Variants in FAM153A observed in about 807,000 individuals in gnomAD.
FAM153A encodes the protein family with sequence similarity 153 member A.
FAM153A carries 12 observed loss-of-function variants against 48.1 expected under a neutral mutation model. The observed-to-expected ratio is 0.25, with a 90% CI of 0.16 to 0.40. FAM153A has a LOEUF of 0.40. Ranked by LOEUF, FAM153A falls within the 10% of genes least tolerant of loss-of-function variation. The probability of loss-of-function intolerance (pLI) is 1.00; values close to 1 mark genes in which losing one functional copy is unlikely to be tolerated. For synonymous variants in FAM153A, 36 were observed against 118.2 expected (o/e 0.30, Z 4.51); for missense variants, 111 against 345.8 (o/e 0.32, Z 5.38).
At chr5:177,718,993 A>T (rs1332284302), downstream of FAM153A, among the ~76,000 whole-genome samples, 5 of 151,196 alleles carry the variant, frequency 3.3e-5, no homozygotes, top group Admixed American at 3.3e-4. Context: ...CCATCCTCCC[A>T]CCTCAGCCTC....
At chr5:177,756,229 T>G (rs1210233323), upstream of FAM153A, among the ~76,000 whole-genome samples, 2 of 148,844 alleles carry the variant, frequency 1.3e-5, no homozygotes, top group Admixed American at 1.3e-4. Flanking sequence ...AAGATCAAAA[T>G]AGACAAAGAA....
intron 12 of FAM153A, 105 bp from the exon 15 acceptor site, chr5:177,735,038 G>C (rs1764487555): frequency 2.9e-6 from 2 of 690,488 alleles, no homozygotes; most frequent in Non-Finnish European, 4.7e-6. Context: ...AGGCACAGGA[G>C]AGATGCAGGA....
the FAM153A span, among the ~76,000 whole-genome samples, chr5:177,702,761 T>G: frequency 6.6e-6 from 1 of 152,068 alleles, no homozygotes; most frequent in African/African-American, 2.4e-5. Context: ...CTTAGGCCAC[T>G]GCTTCAGAGG....
chr5:177,701,745 G>C, the FAM153A span, among the ~76,000 whole-genome samples: 1 of 151,788 alleles, frequency 6.6e-6, no homozygotes, highest in Non-Finnish European at 1.5e-5. Flanking sequence ...TTGCAAGAAT[G>C]TGGAGGGCTC....
At chr5:177,754,464 T>C (rs532374173), upstream of FAM153A, among the ~76,000 whole-genome samples, 393 of 151,986 alleles carry the variant, frequency 2.6e-3, 11 homozygotes, top group African/African-American at 9.1e-3. Flanking sequence ...TAAATGTCCC[T>C]GTCTGACAGC....
At chr5:177,757,192 A>G (rs1767816520), upstream of FAM153A, among the ~76,000 whole-genome samples, 1 of 96,892 alleles carries the variant, frequency 1.0e-5, no homozygotes, top group African/African-American at 4.0e-5. Context: ...CCATCAGAGA[A>G]TACTATAAAC....
At chr5:177,759,756 T>C (rs1021922869) in intron 1 of FAM153A, among the ~76,000 whole-genome samples, 6 of 151,006 alleles carry the variant, frequency 4.0e-5, no homozygotes, top group Admixed American at 2.6e-4. Flanking sequence ...TAGGTGGTAA[T>C]TGAACAATGA....
At position 177,746,525 on chromosome 5, in the gene FAM153A, T is replaced by G. The variant is rs548357369; in HGVS notation, c.259+1244A>C. Among the ~76,000 whole-genome samples the G allele has an allele frequency of 4.6e-3, 701 of 151,486 alleles. 1 individual carries two copies. The highest frequency in any genetic ancestry group is 0.016 in the African/African-American group (665 of 40,836). Reference sequence around the variant, plus strand: ...AGGTGATATAATTCTAGCCAAAATATTCTACATATTCACTAACCTTTTGTT... The same window carrying G: ...AGGTGATATAATTCTAGCCAAAATAGTCTACATATTCACTAACCTTTTGTT... On this transcript the variant is annotated intron_variant, in intron 4 of 20. Coordinates refer to ENST00000614127, the Ensembl canonical transcript of FAM153A.
chr5:177,736,971 C>G (rs1764766068), intron 11 of FAM153A, 71 bp downstream of exon 13: 1 of 1,257,544 alleles, frequency 8.0e-7, no homozygotes, highest in Admixed American at 2.7e-5. Context: ...ATGTATACAT[C>G]TTAATTCAAT....
intron 1 of FAM153A, among the ~76,000 whole-genome samples, chr5:177,759,013 A>G (rs1026829642): frequency 1.3e-5 from 2 of 151,878 alleles, no homozygotes; most frequent in Non-Finnish European, 2.9e-5. Flanking sequence ...CACAGAAAAG[A>G]AACTACCATC....
chr5:177,760,226 G>T (rs1768184719), intron 1 of FAM153A, among the ~76,000 whole-genome samples: 1 of 105,380 alleles, frequency 9.5e-6, no homozygotes, highest in Non-Finnish European at 1.8e-5. Flanking sequence ...ATGCCAAATT[G>T]GGAAAGACCT....
chr5:177,702,190 G>C, the FAM153A span, among the ~76,000 whole-genome samples: 1 of 151,848 alleles, frequency 6.6e-6, no homozygotes, highest in Non-Finnish European at 1.5e-5. Flanking sequence ...TTACAAGCGT[G>C]AGCCACCGCG....
At chr5:177,694,903 C>A in the FAM153A span, among the ~76,000 whole-genome samples, 1 of 151,704 alleles carries the variant, frequency 6.6e-6, no homozygotes, top group Non-Finnish European at 1.5e-5. Flanking sequence ...GGATTATTTT[C>A]TTCTAAACAT....
At chr5:177,709,716 G>A (rs1758237096), downstream of FAM153A, among the ~76,000 whole-genome samples, 1 of 127,406 alleles carries the variant, frequency 7.8e-6, no homozygotes, top group South Asian at 2.9e-4. Flanking sequence ...TGTTGCTCGG[G>A]CCAGAGTGCG....
At position 177,758,400 on chromosome 5, in the gene FAM153A, C is replaced by T. The variant is rs1177186067; in HGVS notation, c.-56-9701G>A. 1.4e-3 allele frequency among the ~76,000 whole-genome samples: 199 copies of T among 145,596 alleles called. No homozygotes were observed. In the East Asian group the frequency reaches 0.025, roughly 18 times the overall value. The stretch of plus-strand genomic sequence containing the variant: ...AATATTGTGAAAATGGCCATACTGC[C>T]CAAGGTAATTTATAGATTCAATGCC... On this transcript the variant is annotated intron_variant, in intron 1 of 8. Transcript: ENST00000393518.
chr5:177,752,955 A>T (rs1767209295), intron 1 of FAM153A, among the ~76,000 whole-genome samples: 1 of 145,856 alleles, frequency 6.9e-6, no homozygotes, highest in Non-Finnish European at 1.5e-5. Flanking sequence ...AAAAATTGGC[A>T]TTGGAAACAG....
chr5:177,747,323 G>T (rs1766172088), intron 4 of FAM153A: 1 of 142,936 alleles, frequency 7.0e-6, no homozygotes. Context: ...TGAGGACTTG[G>T]GATATTAAAC....
downstream of FAM153A, among the ~76,000 whole-genome samples, chr5:177,710,015 A>G (rs1758268569): frequency 6.9e-6 from 1 of 145,420 alleles, no homozygotes; most frequent in South Asian, 2.2e-4. Context: ...AATGAAGTTC[A>G]TGTATTATGC....
chr5:177,769,051 AC>A lies in FAM153A; in HGVS notation c.-57+11397del, dbSNP rs1257686046. On this transcript the variant is annotated intron_variant, in intron 1 of 8. Coordinates refer to the FAM153A transcript ENST00000393518. The stretch of plus-strand genomic sequence containing the variant: ...ATCCTGGCTAACATGGTGAAACCCC[AC>A]CTCTACTAAAGAAATCCAAAAAAAA... Among the ~76,000 whole-genome samples the A allele has an allele frequency of 4.1e-5, 3 of 74,002 alleles. 1 individual carries two copies. Among genetic ancestry groups the A allele is most frequent in the Non-Finnish European group, 8.0e-5 (3 of 37,646 alleles). The allele number at this position is 74,002 out of a possible 152,430, so 48.5% of individuals were successfully genotyped here.
Sources: gnomAD v4.1 joint callset for allele counts (sites outside exome capture counted in the v4.1 genomes callset) on GRCh38, gnomAD v4.1.1 for gene constraint, MANE v1.5 for transcripts, NCBI Gene and HGNC (gene_info 2026-07-23, HGNC 2026-07-21) for gene names.